SPTB: variants seen among roughly 807,000 people sequenced by gnomAD.
SPTB encodes spectrin beta, erythrocytic.
Under a neutral mutation model 256.2 loss-of-function variants are expected in SPTB, and 45 were observed. The observed-to-expected ratio is 0.18, with a 90% CI of 0.14 to 0.23. The LOEUF is 0.23. Ranked by LOEUF, SPTB falls within the 10% of genes least tolerant of loss-of-function variation. The pLI is 1.00. For synonymous variants in SPTB, 1,231 were observed against 1,243.1 expected (o/e 0.99, Z 0.21); for missense variants, 2,715 against 3,040.4 (o/e 0.89, Z 2.52).
chr14:64,779,601 A>T lies in SPTB; in HGVS notation c.4473+124T>A. ...TTAATGTAATCCTCACAAGAACCCT[A>T]TGAGATAAGGGGTGAGGTGACCAGT... On this transcript the variant is annotated intron_variant, in intron 21 of 35. Coordinates refer to ENST00000644917, the MANE Select transcript of SPTB (RefSeq NM_001355436.2). The surrounding 1 kb of genome is among the most constrained non-coding windows in gnomAD (Gnocchi z 4.2). 2.1e-6 allele frequency: 2 copies of T among 958,006 alleles called. No individual in the cohort carries two copies. Among genetic ancestry groups the T allele is most frequent in the Non-Finnish European group, 3.4e-6 (2 of 590,008 alleles). The allele number at this position is 958,006 out of a possible 1,614,324, so 59.3% of individuals were successfully genotyped here.
rs775110871 is a variant in SPTB at position 64,779,980 on chromosome 14, C to T, written c.4267-49G>A. On this transcript the variant is annotated intron_variant, in intron 20 of 35. Coordinates refer to ENST00000644917, the MANE Select transcript of SPTB (RefSeq NM_001355436.2). This position sits in a 1 kb window ranked among gnomAD's most constrained non-coding sequence, Gnocchi z 4.2. ...AGCACCAGCCTTGGCACCTGCACAG[C>T]CCCTCCATCTTCTTCATTCATCTGC... 3 of 1,503,642 alleles carry T rather than the reference C, an allele frequency of 2.0e-6. No individual in the cohort carries two copies. The highest frequency in any genetic ancestry group is 2.8e-5 in the African/African-American group (2 of 72,208). The allele number at this position is 1,503,642 out of a possible 1,614,324, so 93.1% of individuals were successfully genotyped here. A position where few individuals can be genotyped will look rare whatever the true frequency, so the allele number is the denominator to read the frequency against.
At chr14:64,832,696 C>T (rs229610) in intron 1 of SPTB, among the ~76,000 whole-genome samples, 8,724 of 152,196 alleles carry the variant, frequency 0.057, 896 homozygotes, top group African/African-American at 0.2. Flanking sequence ...TCCTGCCATG[C>T]TTCCTATCTG....
Position 64,787,146 on chromosome 14 carries a change from T to C in SPTB, c.2819A>G (p.Gln940Arg). 1 of 1,605,768 alleles carries C rather than the reference T, an allele frequency of 6.2e-7. No individual in the cohort carries two copies. Among genetic ancestry groups the C allele is most frequent in the Non-Finnish European group, 8.5e-7 (1 of 1,179,988 alleles). The change falls in exon 16 of 36, where the codon CAG becomes CGG. Residue 940 changes from glutamine (Q) to arginine (R), a missense_variant. Gln to Arg is a conservative substitution (Grantham distance 43). Transcript: ENST00000644917. Reference sequence around the variant, plus strand: ...CTCCCGCCGCTCCGACACCAGGGTCTGAAATGCCTGCCACCTGCCGGATGG... The same window carrying C: ...CTCCCGCCGCTCCGACACCAGGGTCCGAAATGCCTGCCACCTGCCGGATGG... The part of the protein sequence containing the change: ...DHLNTRWQAF[Q>R]TLVSERREAV...
In SPTB at chr14:64,766,792, C is replaced by G. The variant is rs745447608; in HGVS notation, c.6279G>C (p.Glu2093Asp). ...ERPAEETGPQEEEGETAGEAP... is the reference protein window; with the variant it reads ...ERPAEETGPQDEEGETAGEAP... Reference sequence around the variant, plus strand: ...CCTCCCCTGCTGTCTCGCCTTCCTCCTCTTGAGGCCTAAGGAAGACACAGT... The same window carrying G: ...CCTCCCCTGCTGTCTCGCCTTCCTCGTCTTGAGGCCTAAGGAAGACACAGT... The change falls in exon 32 of 36, where the codon GAG becomes GAC. Residue 2093 changes from glutamate to aspartate, a missense_variant. Glu to Asp is a conservative substitution (Grantham distance 45). Coordinates refer to ENST00000644917, the MANE Select transcript of SPTB (RefSeq NM_001355436.2). 3.7e-6 allele frequency: 6 copies of G among 1,611,650 alleles called. No homozygotes were observed. The highest frequency in any genetic ancestry group is 3.3e-4 in the Middle Eastern group (2 of 6,080).
intron 1 of SPTB, among the ~76,000 whole-genome samples, chr14:64,833,560 A>C (rs1295828368): frequency 6.6e-6 from 1 of 151,906 alleles, no homozygotes; most frequent in African/African-American, 2.4e-5. Context: ...CAAAAAAAAA[A>C]AAAAGAAAAG....
Position 64,750,172 on chromosome 14 carries a change from G to C in SPTB, c.6603-18C>G. 6.2e-7 allele frequency: 1 copy of C among 1,608,470 alleles called. No individual in the cohort carries two copies. The highest frequency in any genetic ancestry group is 2.2e-5 in the East Asian group (1 of 44,726). On this transcript the variant is annotated intron_variant, in intron 33 of 35. Coordinates refer to ENST00000644917, the MANE Select transcript of SPTB (RefSeq NM_001355436.2). The stretch of plus-strand genomic sequence containing the variant: ...TCCAGGACCTGCAAAGATGCAGACA[G>C]GCAGGTCACCCACATCCTGATATGG...
At chr14:64,863,125 G>A (rs771348533) in intron 1 of SPTB, among the ~76,000 whole-genome samples, 12 of 152,224 alleles carry the variant, frequency 7.9e-5, no homozygotes, top group Admixed American at 2.0e-4. Context: ...ATAGCTGGTT[G>A]TATGTCACTC....
In SPTB at chr14:64,770,920, G is replaced by A. The variant is rs201844140; in HGVS notation, c.5763C>T (p.Ser1921=). The A allele has an allele frequency of 1.2e-6, 2 of 1,614,116 alleles. No homozygotes were observed. Among genetic ancestry groups the A allele is most frequent in the Middle Eastern group, 1.6e-4 (1 of 6,062 alleles). The change falls in exon 27 of 36, where the codon AGC becomes AGT. Residue 1921 remains serine (S), a synonymous_variant. Transcript: ENST00000644917. ...MARDLLSWME[S]IIRQIETQER... ...CCTGGGTCTCGATCTGCCGGATGAT[G>A]CTCTCCATCCAGGAGAGGAGGTCAC...
At chr14:64,843,058 C>T (rs1309333673) in intron 1 of SPTB, among the ~76,000 whole-genome samples, 1 of 151,624 alleles carries the variant, frequency 6.6e-6, no homozygotes, top group Non-Finnish European at 1.5e-5. Context: ...GAATGAGACC[C>T]TGTCTCAAAA....
At chr14:64,776,306 A>T (rs1209432893) in intron 22 of SPTB, among the ~76,000 whole-genome samples, 1 of 152,128 alleles carries the variant, frequency 6.6e-6, no homozygotes. Flanking sequence ...GCTGAAATGC[A>T]TTTTTACACT....
chr14:64,795,468 T>C lies in SPTB; in HGVS notation c.1513A>G (p.Asn505Asp). 2 of 1,614,178 alleles carry C rather than the reference T, an allele frequency of 1.2e-6. No homozygotes were observed. The highest frequency in any genetic ancestry group is 8.5e-7 in the Non-Finnish European group (1 of 1,180,020). The change falls in exon 12 of 36, where the codon AAT (asparagine) becomes GAT (aspartate). Residue 505 changes from asparagine (N) to aspartate (D), a missense_variant. Asn to Asp is a conservative substitution (Grantham distance 23). Transcript: ENST00000644917. The surrounding 1 kb of genome is among the most constrained non-coding windows in gnomAD (Gnocchi z 6.5). ...AGGTAGCTCCATAGGCGCAGTATAT[T>C]GTCCTTGCGGGCCGTGATGCGCTTC... The part of the protein sequence containing the change: ...DQKRITARKD[N>D]ILRLWSYLQE...
chr14:64,805,390 G>A (rs1406607942), intron 2 of SPTB, among the ~76,000 whole-genome samples: 1 of 152,150 alleles, frequency 6.6e-6, no homozygotes, highest in Non-Finnish European at 1.5e-5. Context: ...ACTCTGTACT[G>A]TTGTGCCATT....
intron 1 of SPTB, among the ~76,000 whole-genome samples, chr14:64,838,597 A>G (rs1320734234): frequency 6.6e-6 from 1 of 152,190 alleles, no homozygotes; most frequent in Non-Finnish European, 1.5e-5. Context: ...CGCTTTACCA[A>G]AAAAAGAAAT....
intron 31 of SPTB, among the ~76,000 whole-genome samples, chr14:64,767,011 C>T (rs751684666): frequency 4.6e-5 from 7 of 152,160 alleles, no homozygotes; most frequent in African/African-American, 7.2e-5. Flanking sequence ...GAGCCAGGTT[C>T]CAGGCAGAAC....
In SPTB at chr14:64,749,063, C is replaced by T. The variant is rs1157178934; in HGVS notation, c.*243G>A. The T allele has an allele frequency of 9.1e-6, 4 of 441,654 alleles. No homozygotes were observed. The highest frequency in any genetic ancestry group is 5.0e-5 in the East Asian group (1 of 19,938). 27.4% of individuals were successfully genotyped at this position (441,654 alleles called of 1,614,324 possible). A position where few individuals can be genotyped will look rare whatever the true frequency, so the allele number is the denominator to read the frequency against. ...CCCCCAGGCCTGGAGGCCCCAAAGG[C>T]GCCAGAGGAGCTGGGAGCCCCTGTC... On this transcript the variant is annotated 3_prime_UTR_variant, in exon 36 of 36. Transcript: ENST00000644917. The surrounding 1 kb of genome is among the most constrained non-coding windows in gnomAD (Gnocchi z 4.7).
chr14:64,757,560 G>C (rs1449738930), intron 32 of SPTB: 1 of 152,234 alleles, frequency 6.6e-6, no homozygotes, highest in Non-Finnish European at 1.5e-5. Context: ...AATGCATCTT[G>C]TACTCTCCAC....
At chr14:64,872,859 C>G (rs547443245) in intron 1 of SPTB, among the ~76,000 whole-genome samples, 2 of 152,180 alleles carry the variant, frequency 1.3e-5, no homozygotes, top group Non-Finnish European at 2.9e-5. Flanking sequence ...CCTGAACATG[C>G]GCCTGCCACC....
In SPTB at chr14:64,775,812, CT is replaced by C. The variant is rs1195628843; in HGVS notation, c.4564-410del. On this transcript the variant is annotated intron_variant, in intron 22 of 35. Transcript: ENST00000644917. This position sits in a 1 kb window ranked among gnomAD's most constrained non-coding sequence, Gnocchi z 5.0. ...CCTTTTTGATACCTTATTCTAACAG[CT>C]TTTGCAGGATTTATGCAGGATCATT... Among the ~76,000 whole-genome samples, 13 of 152,176 alleles carry C rather than the reference CT, an allele frequency of 8.5e-5. No homozygotes were observed. Among genetic ancestry groups the C allele is most frequent in the Non-Finnish European group, 1.5e-5 (1 of 68,020 alleles).
chr14:64,768,640 C>G (rs1444417854), intron 29 of SPTB, among the ~76,000 whole-genome samples: 2 of 151,948 alleles, frequency 1.3e-5, no homozygotes, highest in African/African-American at 2.4e-5. Flanking sequence ...AGAGCCTTAC[C>G]CCAACCCCTC....
Sources: allele counts gnomAD v4.1 joint callset (sites outside exome capture counted in the v4.1 genomes callset), GRCh38; gene constraint gnomAD v4.1.1; non-coding constraint Gnocchi (gnomAD v3.1); transcripts MANE v1.5; gene names NCBI Gene and HGNC (gene_info 2026-07-23, HGNC 2026-07-21).